The following MYBPC3 variants were observed in gnomAD, a reference collection of about 807,000 sequenced individuals.
The protein encoded by MYBPC3 is myosin-binding protein C, cardiac-type.
MYBPC3 carries 108 observed loss-of-function variants against 159.3 expected under a neutral mutation model. The observed-to-expected ratio is 0.68, with a 90% confidence interval of 0.58 to 0.80. The LOEUF (loss-of-function observed/expected upper bound fraction) is 0.80. MYBPC3 is among the 30% of genes least tolerant of loss of function. The pLI is 0.00. For synonymous variants in MYBPC3, 730 were observed against 702.0 expected, an observed-to-expected ratio of 1.04 and a Z score of -0.63; for missense variants, 1,631 against 1,762.1, an observed-to-expected ratio of 0.93 and a Z score of 1.33.
Position 47,338,510 on chromosome 11 carries a change from C to T in MYBPC3, c.2308+10G>A. The T allele has an allele frequency of 6.2e-7, 1 of 1,613,984 alleles. No individual in the cohort carries two copies. The highest frequency in any genetic ancestry group is 8.5e-7 in the Non-Finnish European group (1 of 1,179,860). ...CTGTGTTCTCCAGCTTGGACCCCGG[C>T]CGGCCTCACCGATGACCTTGACTGT... On this transcript the variant is annotated intron_variant, in intron 23 of 34. Transcript: ENST00000545968. The surrounding 1 kb of genome is among the most constrained non-coding windows in gnomAD (Gnocchi z 4.7).
At position 47,351,119 on chromosome 11, in the gene MYBPC3, C is replaced by G. The variant is rs1300741168; in HGVS notation, c.292+120G>C. The stretch of plus-strand genomic sequence containing the variant: ...GAAAGGGCGTTCCTGGCGGGGGGCA[C>G]AGCCACAGCAAAGGCAAGAAAGTGT... On this transcript the variant is annotated intron_variant, in intron 2 of 34. Transcript: ENST00000545968. This position sits in a 1 kb window ranked among gnomAD's most constrained non-coding sequence, Gnocchi z 4.2. The G allele has an allele frequency of 1.5e-6, 2 of 1,295,938 alleles. No homozygotes were observed. Among genetic ancestry groups the G allele is most frequent in the African/African-American group, 1.5e-5 (1 of 66,648 alleles). 80.3% of individuals were successfully genotyped at this position (1,295,938 alleles called of 1,614,324 possible).
intron 5 of MYBPC3, among the ~76,000 whole-genome samples, chr11:47,349,011 G>A (rs1490279106): frequency 2.7e-5 from 4 of 147,740 alleles, no homozygotes; most frequent in African/African-American, 1.0e-4. Flanking sequence ...TTTGTACAGA[G>A]AAAGGGGACT....
In MYBPC3 at chr11:47,348,415, C is replaced by A. The variant is rs566339669; in HGVS notation, c.772+9G>T. The A allele has an allele frequency of 1.5e-5, 24 of 1,596,894 alleles. No individual in the cohort carries two copies. In the African/African-American group the frequency reaches 2.9e-4, roughly 20 times the overall value. Reference sequence around the variant, plus strand: ...CCCGAGCCCAGGACAGACACCAGGGCCCCCTCACCGTGGACAGTGAGATTG... The same window carrying A: ...CCCGAGCCCAGGACAGACACCAGGGACCCCTCACCGTGGACAGTGAGATTG... On this transcript the variant is annotated intron_variant, in intron 6 of 34. Coordinates refer to ENST00000545968, the MANE Select transcript of MYBPC3 (RefSeq NM_000256.3).
In MYBPC3 at chr11:47,343,164, G is replaced by C. The variant is rs1474967693; in HGVS notation, c.1227-19C>G. ...GATGTACCTGGGTGGGGGCCGCAGGGAAGTGGCAGGAAAGCTGCGGACACC... is the reference window on the plus strand; with the variant it reads ...GATGTACCTGGGTGGGGGCCGCAGGCAAGTGGCAGGAAAGCTGCGGACACC... On this transcript the variant is annotated intron_variant, in intron 14 of 34. Coordinates refer to ENST00000545968, the MANE Select transcript of MYBPC3 (RefSeq NM_000256.3). The C allele has an allele frequency of 6.2e-7, 1 of 1,606,456 alleles. No individual in the cohort carries two copies.
chr11:47,338,630 C>T lies in MYBPC3; in HGVS notation c.2198G>A (p.Arg733His), dbSNP rs534345197. 5.2e-5 allele frequency: 84 copies of T among 1,613,910 alleles called. No homozygotes were observed. In the Middle Eastern group the frequency reaches 8.3e-4, roughly 16 times the overall value. The change falls in exon 23 of 35, where the codon CGC becomes CAC. Residue 733 changes from arginine (R) to histidine (H), a missense_variant. By Grantham distance (29) the Arg-to-His change is conservative (BLOSUM62 0). Transcript: ENST00000545968. The surrounding 1 kb of genome is among the most constrained non-coding windows in gnomAD (Gnocchi z 4.7). Reference sequence around the variant, plus strand: ...TGCCCCCTCGACCGTGAAGATGCTGCGGTCCTTGGTGGTCTCCACGCGGAC... The same window carrying T: ...TGCCCCCTCGACCGTGAAGATGCTGTGGTCCTTGGTGGTCTCCACGCGGAC... ...GRVRVETTKDRSIFTVEGAEK... is the reference protein window; with the variant it reads ...GRVRVETTKDHSIFTVEGAEK...
In MYBPC3 at chr11:47,346,214, C is replaced by T. The variant is rs781216464; in HGVS notation, c.1083G>A (p.Lys361=). The change falls in exon 12 of 35, where the codon AAG becomes AAA. Residue 361 remains lysine, a synonymous_variant. Coordinates refer to ENST00000545968, the MANE Select transcript of MYBPC3 (RefSeq NM_000256.3). The surrounding 1 kb of genome is among the most constrained non-coding windows in gnomAD (Gnocchi z 5.3). Reference sequence around the variant, plus strand: ...CTCTGAGGAAGGGCTAACCTGTGCTCTTCTTCTCATCGCGCCTCATGCCCT... The same window carrying T: ...CTCTGAGGAAGGGCTAACCTGTGCTTTTCTTCTCATCGCGCCTCATGCCCT... ...RLKGMRRDEK[K]STAFQKKLEP... The T allele has an allele frequency of 5.0e-6, 8 of 1,613,734 alleles. No individual in the cohort carries two copies. Among genetic ancestry groups the T allele is most frequent in the Non-Finnish European group, 6.8e-6 (8 of 1,179,798 alleles).
rs934096693 is a variant in MYBPC3, at chr11:47,338,173, C to T, written c.2308+347G>A. 3.9e-5 allele frequency among the ~76,000 whole-genome samples: 6 copies of T among 152,074 alleles called. No homozygotes were observed. The highest frequency in any genetic ancestry group is 4.1e-4 in the South Asian group (2 of 4,820). On this transcript the variant is annotated intron_variant, in intron 23 of 34. Coordinates refer to ENST00000545968, the MANE Select transcript of MYBPC3 (RefSeq NM_000256.3). The surrounding 1 kb of genome is among the most constrained non-coding windows in gnomAD (Gnocchi z 4.7). ...CCACACCCAAAAGGCCCTTTCCCTC[C>T]TCCACCCCTTTGTACACAGTTTCCT... is the stretch of plus-strand genomic sequence containing the variant.
At chr11:47,339,836 G>T in intron 20 of MYBPC3, 46 bp from the exon 21 acceptor site, 1 of 1,598,742 alleles carries the variant, frequency 6.3e-7, no homozygotes, top group South Asian at 1.1e-5. Flanking sequence ...GAGCCAGGAG[G>T]AGCACAGGTC....
rs1275604404 is a variant in MYBPC3 at position 47,347,871 on chromosome 11, T to C, written c.807A>G (p.Ser269=). The part of the protein sequence containing the change: ...AMGTGDLDLL[S]AFRRTSLAGG... ...TGGCCACTCACGTGCGGCGGAAGGC[T>C]GATAGGAGGTCCAGGTCTCCGGTGC... Residue 269 remains serine (S), a synonymous_variant, in exon 7 of 35, where the codon TCA becomes TCG. Coordinates refer to ENST00000545968, the MANE Select transcript of MYBPC3 (RefSeq NM_000256.3). 1 of 1,569,816 alleles carries C rather than the reference T, an allele frequency of 6.4e-7. No individual in the cohort carries two copies. Among genetic ancestry groups the C allele is most frequent in the Non-Finnish European group, 8.6e-7 (1 of 1,157,996 alleles).
At position 47,333,730 on chromosome 11, in the gene MYBPC3, G is replaced by A. The variant is rs778132423; in HGVS notation, c.3017C>T (p.Thr1006Ile). The A allele has an allele frequency of 6.2e-7, 1 of 1,604,902 alleles. No homozygotes were observed. The highest frequency in any genetic ancestry group is 1.1e-5 in the South Asian group (1 of 90,350). ...CAGGGGCTGCCCCTCTTTGGTCCAG[G>A]TCACCTGAGGCCGGGGCTTGCCCTG... Reference protein sequence around the residue: ...PFQGKPRPQVTWTKEGQPLAG... With the variant: ...PFQGKPRPQVIWTKEGQPLAG... Residue 1006 changes from threonine to isoleucine, a missense_variant, in exon 29 of 35, where the codon ACC (threonine) becomes ATC (isoleucine). Thr to Ile is a moderately conservative substitution (Grantham distance 89, BLOSUM62 -1). Transcript: ENST00000545968.
intron 17 of MYBPC3, 60 bp from the exon 18 acceptor site, chr11:47,342,216 T>C (rs1489734382): frequency 2.5e-6 from 4 of 1,577,736 alleles, no homozygotes; most frequent in African/African-American, 1.3e-5. Context: ...CGTGAATCCC[T>C]GTGGAGGGCG....
rs982949881 is a variant in MYBPC3 at position 47,332,507 on chromosome 11, G to C, written c.3627+59C>G. On this transcript the variant is annotated intron_variant, in intron 32 of 34. Transcript: ENST00000545968. This position sits in a 1 kb window ranked among gnomAD's most constrained non-coding sequence, Gnocchi z 4.2. ...CAGGCTGGGGAGAGGACTGCTCAAC[G>C]TCGGGGCCTGTGAGCCCTGCCTCCT... The C allele has an allele frequency of 1.3e-6, 2 of 1,571,970 alleles. No individual in the cohort carries two copies. The highest frequency in any genetic ancestry group is 1.7e-6 in the Non-Finnish European group (2 of 1,156,990).
chr11:47,352,432 C>T (rs904205559), intron 1 of MYBPC3, among the ~76,000 whole-genome samples, 191 bp downstream of exon 1: 3 of 152,054 alleles, frequency 2.0e-5, no homozygotes, highest in African/African-American at 7.2e-5. Context: ...TTTACCTTCA[C>T]CTCTCATCAG....
intron 19 of MYBPC3, 51 bp downstream of exon 19, chr11:47,341,085 CAG>C (rs966182915): frequency 1.5e-5 from 24 of 1,567,502 alleles, no homozygotes; most frequent in Admixed American, 5.5e-5. Context: ...GGCCCAGTGA[CAG>C]GGGCTCCTGG....
At chr11:47,339,900 T>G in intron 20 of MYBPC3, 110 bp from the exon 21 acceptor site, 2 of 1,232,038 alleles carry the variant, frequency 1.6e-6, no homozygotes, top group South Asian at 1.5e-5. Context: ...TTTTTTAGAT[T>G]TGTATTGAGG....
Position 47,346,355 on chromosome 11 carries a change from C to A in MYBPC3, c.942G>T (p.Glu314Asp). Residue 314 changes from glutamate (E) to aspartate (D), a missense_variant, in exon 12 of 35, where the codon GAG (glutamate) becomes GAT (aspartate). By Grantham distance (45) the Glu-to-Asp change is conservative. Coordinates refer to ENST00000545968, the MANE Select transcript of MYBPC3 (RefSeq NM_000256.3). The surrounding 1 kb of genome is among the most constrained non-coding windows in gnomAD (Gnocchi z 5.3). ...CCCACACGTCCTCCTCTGCTGGTGCCTCCAGCTTCGAGTCCCTGTGTCCCG... is the reference window on the plus strand; with the variant it reads ...CCCACACGTCCTCCTCTGCTGGTGCATCCAGCTTCGAGTCCCTGTGTCCCG... Reference protein sequence around the residue: ...SFRTPRDSKLEAPAEEDVWEI... With the variant: ...SFRTPRDSKLDAPAEEDVWEI... 1 of 1,595,636 alleles carries A rather than the reference C, an allele frequency of 6.3e-7. No individual in the cohort carries two copies. Among genetic ancestry groups the A allele is most frequent in the Non-Finnish European group, 8.5e-7 (1 of 1,169,618 alleles).
intron 20 of MYBPC3, among the ~76,000 whole-genome samples, chr11:47,340,009 C>A (rs927569132): frequency 1.3e-5 from 2 of 152,132 alleles, no homozygotes; most frequent in Admixed American, 1.3e-4. Flanking sequence ...TTCCCATCAC[C>A]CCAGGACGTT....
At chr11:47,341,396 A>C (rs1051902643) in intron 18 of MYBPC3, among the ~76,000 whole-genome samples, 152 bp from the exon 19 acceptor site, 1 of 152,110 alleles carries the variant, frequency 6.6e-6, no homozygotes, top group Admixed American at 6.5e-5. Context: ...TATATTATCT[A>C]ATTTTCCAGC....
chr11:47,342,002 G>A lies in MYBPC3; in HGVS notation c.1779C>T (p.Ser593=). The change falls in exon 18 of 35, where the codon TCC becomes TCT. Residue 593 remains serine, a synonymous_variant. Transcript: ENST00000545968. ...ELVPDSRIKV[S]HIGRVHKLTI... ...CCCTGCACACTCACCGCCCGATGTG[G>A]GACACCTTTATGCGGCTGTCGGGCA... The A allele has an allele frequency of 6.4e-7, 1 of 1,569,168 alleles. No homozygotes were observed. The highest frequency in any genetic ancestry group is 8.6e-7 in the Non-Finnish European group (1 of 1,156,300).
Sources: gnomAD v4.1 joint callset for allele counts (sites outside exome capture counted in the v4.1 genomes callset) on GRCh38, gnomAD v4.1.1 for gene constraint, Gnocchi (gnomAD v3.1) non-coding constraint, MANE v1.5 for transcripts, NCBI Gene and HGNC (gene_info 2026-07-23, HGNC 2026-07-21) for gene names.